The following GEN1 variants were observed in gnomAD, a reference collection of about 807,000 sequenced individuals.
GEN1 encodes GEN1 structure-specific endonuclease, also known as flap endonuclease GEN homolog 1.
A neutral mutation model predicts 67.6 loss-of-function variants in GEN1; 64 were observed. The observed-to-expected ratio is 0.95, with a 90% CI of 0.77 to 1.17. GEN1 has a LOEUF of 1.17. Among genes scored for constraint, GEN1 ranks in the 50% most tolerant of loss-of-function variants. The pLI, the probability that GEN1 is intolerant of heterozygous loss-of-function variation, is 0.00. For synonymous variants in GEN1, 371 were observed against 359.4 expected, an observed-to-expected ratio of 1.03 and a Z score of -0.37; for missense variants, 1,058 against 1,048.3, an observed-to-expected ratio of 1.01 and a Z score of -0.13.
In GEN1 at chr2:17,784,703, AGTC is replaced by A. The variant is rs1188948641; in HGVS notation, c.*2767_*2769del. 1 of 152,250 alleles carries A rather than the reference AGTC, an allele frequency of 6.6e-6. No homozygotes were observed. Among genetic ancestry groups the A allele is most frequent in the Non-Finnish European group, 1.5e-5 (1 of 68,046 alleles). 9.4% of individuals were successfully genotyped at this position (152,250 alleles called of 1,614,324 possible). On this transcript the variant is annotated 3_prime_UTR_variant, in exon 14 of 14. Transcript: ENST00000381254. ...TGTTTTGAATATTCAGAGAGAAAAA[AGTC>A]GTTGCTAAAACATTTTCCAAGGTTC...
At position 17,784,837 on chromosome 2, in the gene GEN1, A is replaced by G. The variant is rs1050946408; in HGVS notation, c.*2898A>G. 2 of 152,246 alleles carry G rather than the reference A, an allele frequency of 1.3e-5. No individual in the cohort carries two copies. The highest frequency in any genetic ancestry group is 4.8e-5 in the African/African-American group (2 of 41,466). The allele number at this position is 152,246 out of a possible 1,614,324, so 9.4% of individuals were successfully genotyped here. On this transcript the variant is annotated 3_prime_UTR_variant, in exon 14 of 14. Transcript: ENST00000381254. ...CTTGAGATTGTATGAGATGAAAATAACAAAATTAGTTGGGAGTGGCCAGTC... is the reference window on the plus strand; with the variant it reads ...CTTGAGATTGTATGAGATGAAAATAGCAAAATTAGTTGGGAGTGGCCAGTC...
rs1673121642 is a variant in GEN1 at position 17,788,365 on chromosome 2, T to C, written c.*6426T>C. The C allele has an allele frequency of 6.6e-6, 1 of 152,236 alleles. No homozygotes were observed. The highest frequency in any genetic ancestry group is 2.4e-5 in the African/African-American group (1 of 41,460). The allele number at this position is 152,236 out of a possible 1,614,324, so 9.4% of individuals were successfully genotyped here. The stretch of plus-strand genomic sequence containing the variant: ...CAATAGTCCAAAACAGTGGGACTCT[T>C]TTTGATGATTTCAAAATGGATAGTT... On this transcript the variant is annotated 3_prime_UTR_variant, in exon 14 of 14. Transcript: ENST00000381254.
In GEN1 at chr2:17,781,134, C is replaced by G. The variant is rs201918587; in HGVS notation, c.1922C>G (p.Ala641Gly). ...QLSCESERYT[A>G]NIKKVLDEDS... Reference sequence around the variant, plus strand: ...TCCTGTGAATCAGAAAGGTACACTGCAAACATAAAGAAAGTGTTGGATGAG... The same window carrying G: ...TCCTGTGAATCAGAAAGGTACACTGGAAACATAAAGAAAGTGTTGGATGAG... The change falls in exon 14 of 14, where the codon GCA becomes GGA. Residue 641 changes from alanine to glycine, a missense_variant. By Grantham distance (60) the Ala-to-Gly change is moderately conservative. Transcript: ENST00000381254. 2 of 1,613,862 alleles carry G rather than the reference C, an allele frequency of 1.2e-6. No homozygotes were observed. The highest frequency in any genetic ancestry group is 2.7e-5 in the African/African-American group (2 of 75,054).
intron 3 of GEN1, among the ~76,000 whole-genome samples, chr2:17,763,928 T>C (rs536702293): frequency 6.6e-6 from 1 of 152,342 alleles, no homozygotes; most frequent in East Asian, 1.9e-4. Context: ...CAAGAAATGG[T>C]ATTTATTCTG....
rs1673103867 is a variant in GEN1, at chr2:17,787,755, CT to C, written c.*5817del. The stretch of plus-strand genomic sequence containing the variant: ...CCTGGCCAACATGGTGAAATCCCAT[CT>C]CTACAAAAAATACAAAAATTAGCCG... On this transcript the variant is annotated 3_prime_UTR_variant, in exon 14 of 14. Transcript: ENST00000381254. The C allele has an allele frequency of 6.6e-6, 1 of 152,182 alleles. No individual in the cohort carries two copies. Among genetic ancestry groups the C allele is most frequent in the Admixed American group, 6.5e-5 (1 of 15,272 alleles). 9.4% of individuals were successfully genotyped at this position (152,182 alleles called of 1,614,324 possible).
Position 17,771,260 on chromosome 2 carries a change from G to T in GEN1, c.775G>T (p.Ala259Ser), listed in dbSNP as rs781225106. ...ACAACTGCTAGTCACTAAAAAACTGGCTCATTGTTCCGTATGTTCCCATCC... is the reference window on the plus strand; with the variant it reads ...ACAACTGCTAGTCACTAAAAAACTGTCTCATTGTTCCGTATGTTCCCATCC... The part of the protein sequence containing the change: ...SPQLLVTKKL[A>S]HCSVCSHPGS... Residue 259 changes from alanine (A) to serine (S), a missense_variant, in exon 7 of 14, where the codon GCT (alanine) becomes TCT (serine). Ala to Ser is a moderately conservative substitution (Grantham distance 99, BLOSUM62 1). Transcript: ENST00000381254. The T allele has an allele frequency of 1.9e-6, 3 of 1,609,270 alleles. No individual in the cohort carries two copies. Among genetic ancestry groups the T allele is most frequent in the South Asian group, 1.1e-5 (1 of 90,954 alleles).
chr2:17,781,659 C>G lies in GEN1; in HGVS notation c.2447C>G (p.Thr816Arg), dbSNP rs905415269. 4 of 1,613,884 alleles carry G rather than the reference C, an allele frequency of 2.5e-6. No homozygotes were observed. The African/African-American group carries it at 5.3e-5, about 22-fold the overall frequency. ...SAPVFGKAKY[T>R]TQRMKHSSQK... ...CCAGTGTTTGGGAAAGCTAAGTACA[C>G]AACTCAAAGAATGAAGCACAGTTCT... The change falls in exon 14 of 14, where the codon ACA becomes AGA. Residue 816 changes from threonine (T) to arginine (R), a missense_variant. Physicochemically the swap from Thr to Arg is moderately conservative, Grantham distance 71. Coordinates refer to ENST00000381254, the MANE Select transcript of GEN1 (RefSeq NM_001130009.3).
intron 3 of GEN1, 89 bp from the exon 4 acceptor site, chr2:17,764,808 A>T: frequency 8.4e-7 from 1 of 1,190,766 alleles, no homozygotes; most frequent in Non-Finnish European, 1.2e-6. Context: ...AGCTACTATT[A>T]ATATTTGTAA....
At chr2:17,778,317 CACACACGTGT>C (rs1558409313) in intron 12 of GEN1, among the ~76,000 whole-genome samples, 9 of 77,816 alleles carry the variant, frequency 1.2e-4, no homozygotes, top group African/African-American at 4.9e-4. Flanking sequence ...TGTATATACA[CACACACGTGT>C]ACATATATGT....
At chr2:17,774,603 T>C (rs1440166923) in intron 11 of GEN1, 1 of 270,014 alleles carries the variant, frequency 3.7e-6, no homozygotes, top group East Asian at 6.8e-5. Flanking sequence ...CACATAGTAA[T>C]AATAGATTAT....
chr2:17,781,624 A>T lies in GEN1; in HGVS notation c.2412A>T (p.Glu804Asp). The T allele has an allele frequency of 5.0e-6, 8 of 1,614,058 alleles. No individual in the cohort carries two copies. The highest frequency in any genetic ancestry group is 6.8e-6 in the Non-Finnish European group (8 of 1,179,960). ...SVCLDRHSSD[E>D]QSAPVFGKAK... is the part of the protein sequence containing the mutation. The stretch of plus-strand genomic sequence containing the variant: ...GCCTTGACAGACATTCCTCTGATGA[A>T]CAAAGTGCCCCAGTGTTTGGGAAAG... The change falls in exon 14 of 14, where the codon GAA becomes GAT. Residue 804 changes from glutamate to aspartate, a missense_variant. Physicochemically the swap from Glu to Asp is conservative, Grantham distance 45. Transcript: ENST00000381254.
chr2:17,788,481 G>A lies in GEN1; in HGVS notation c.*6542G>A, dbSNP rs1673125408. 6.6e-6 allele frequency: 1 copy of A among 152,208 alleles called. No homozygotes were observed. Among genetic ancestry groups the A allele is most frequent in the East Asian group, 1.9e-4 (1 of 5,208 alleles). The allele number at this position is 152,208 out of a possible 1,614,324, so 9.4% of individuals were successfully genotyped here. A position where few individuals can be genotyped will look rare whatever the true frequency, so the allele number is the denominator to read the frequency against. On this transcript the variant is annotated 3_prime_UTR_variant, in exon 14 of 14. Coordinates refer to ENST00000381254, the MANE Select transcript of GEN1 (RefSeq NM_001130009.3). ...GCAAAGTAGGCTGACCCTTCTGTGG[G>A]CAGAATGAATATTTTGCTAATGTTT...
chr2:17,759,545 T>A (rs1348583740), intron 1 of GEN1, among the ~76,000 whole-genome samples: 1 of 152,174 alleles, frequency 6.6e-6, no homozygotes, highest in Non-Finnish European at 1.5e-5. Context: ...TTTTCCTTTA[T>A]TAACCCCATT....
At position 17,761,447 on chromosome 2, in the gene GEN1, A is replaced by G. The variant is rs1438967111; in HGVS notation, c.213A>G (p.Val71=). ...SYLTQMDVKL[V]FVMEGEPPKL... ...TAACACAAATGGATGTAAAACTGGTATTTGTTATGGAAGGGGAACCACCAA... is the reference window on the plus strand; with the variant it reads ...TAACACAAATGGATGTAAAACTGGTGTTTGTTATGGAAGGGGAACCACCAA... The change falls in exon 3 of 14, where the codon GTA becomes GTG. Residue 71 remains valine (V), a synonymous_variant. Transcript: ENST00000381254. 2 of 1,611,752 alleles carry G rather than the reference A, an allele frequency of 1.2e-6. No individual in the cohort carries two copies. Among genetic ancestry groups the G allele is most frequent in the East Asian group, 2.2e-5 (1 of 44,838 alleles).
In GEN1 at chr2:17,780,701, T is replaced by C; in HGVS notation, c.1489T>C (p.Cys497Arg). ...FQSHMTLKPT[C>R]EIFHKQNSKL... Reference sequence around the variant, plus strand: ...GTCACACATGACTTTAAAACCCACATGTGAAATCTTTCATAAGCAGAATTC... The same window carrying C: ...GTCACACATGACTTTAAAACCCACACGTGAAATCTTTCATAAGCAGAATTC... Residue 497 changes from cysteine to arginine, a missense_variant, in exon 14 of 14, where the codon TGT becomes CGT. Coordinates refer to ENST00000381254, the MANE Select transcript of GEN1 (RefSeq NM_001130009.3). 1 of 1,613,936 alleles carries C rather than the reference T, an allele frequency of 6.2e-7. No individual in the cohort carries two copies. The highest frequency in any genetic ancestry group is 1.1e-5 in the South Asian group (1 of 91,068).
intron 3 of GEN1, among the ~76,000 whole-genome samples, chr2:17,763,285 T>C (rs1423673489): frequency 6.6e-6 from 1 of 152,230 alleles, no homozygotes; most frequent in Non-Finnish European, 1.5e-5. Flanking sequence ...ATATCTGTGC[T>C]AAGTTCTAAT....
Position 17,765,038 on chromosome 2 carries a change from C to A in GEN1, c.490C>A (p.Gln164Lys), listed in dbSNP as rs368564254. Residue 164 changes from glutamine to lysine, a missense_variant, in exon 4 of 14, where the codon CAG becomes AAG. Physicochemically the swap from Gln to Lys is moderately conservative, Grantham distance 53. Transcript: ENST00000381254. ...NDGDTFLYGA[Q>K]TVYRNFTMNT... is the part of the protein sequence containing the mutation. ...TGGAGATACTTTCCTTTATGGGGCC[C>A]AGACTGTTTACAGGAATTTCACTAT... The A allele has an allele frequency of 5.6e-6, 9 of 1,614,108 alleles. No homozygotes were observed. Among genetic ancestry groups the A allele is most frequent in the South Asian group, 4.4e-5 (4 of 91,080 alleles).
intron 11 of GEN1, among the ~76,000 whole-genome samples, chr2:17,776,454 G>T (rs1160990414): frequency 6.6e-6 from 1 of 152,182 alleles, no homozygotes; most frequent in Non-Finnish European, 1.5e-5. Flanking sequence ...ACAGGCTGCA[G>T]TATTTAGGGG....
At chr2:17,766,240 T>G (rs1349156381) in intron 4 of GEN1, among the ~76,000 whole-genome samples, 1 of 152,222 alleles carries the variant, frequency 6.6e-6, no homozygotes, top group African/African-American at 2.4e-5. Context: ...TGATCTCAGC[T>G]CACTGCAACC....
Sources: allele counts gnomAD v4.1 joint callset (sites outside exome capture counted in the v4.1 genomes callset), GRCh38; gene constraint gnomAD v4.1.1; transcripts MANE v1.5; gene names NCBI Gene and HGNC (gene_info 2026-07-23, HGNC 2026-07-21).